The following NDST1 variants were observed in gnomAD, a reference collection of about 807,000 sequenced individuals.
NDST1 encodes bifunctional heparan sulfate N-deacetylase/N-sulfotransferase 1.
In NDST1, 35 loss-of-function variants were observed where a neutral mutation model predicts 92.8. That is an observed-to-expected ratio of 0.38 (90% CI 0.29 to 0.50). NDST1 has a LOEUF of 0.50. NDST1 is among the 20% of genes least tolerant of loss of function. The pLI, the probability that NDST1 is intolerant of heterozygous loss-of-function variation, is 0.94. For missense variants in NDST1, 822 were observed against 1,182.7 expected, an observed-to-expected ratio of 0.69 and a Z score of 4.47; for synonymous variants, 493 against 500.3, an observed-to-expected ratio of 0.99 and a Z score of 0.19.
intron 2 of NDST1, among the ~76,000 whole-genome samples, chr5:150,525,380 T>C (rs1461816761): frequency 1.3e-5 from 2 of 152,094 alleles, no homozygotes; most frequent in African/African-American, 4.8e-5. Context: ...GCACCCGCGG[T>C]CCAGTGTGGC....
In NDST1 at chr5:150,541,544, A is replaced by C. The variant is rs372565843; in HGVS notation, c.1750-26A>C. 3.7e-6 allele frequency: 6 copies of C among 1,611,406 alleles called. No individual in the cohort carries two copies. The African/African-American group carries it at 4.0e-5, about 11-fold the overall frequency. On this transcript the variant is annotated intron_variant, in intron 8 of 14. Transcript: ENST00000261797. ...CACTGACTGGGTTCTGGGGCGCCCC[A>C]CACATCCCTTCCACTGTTGTTTTAG...
Position 150,553,284 on chromosome 5 carries a change from C to T in NDST1, c.2601C>T (p.Gly867=). 6.2e-7 allele frequency: 1 copy of T among 1,613,854 alleles called. No homozygotes were observed. The highest frequency in any genetic ancestry group is 8.5e-7 in the Non-Finnish European group (1 of 1,179,816). ...TCTCCAAGCTGCTGTATAAGATGGG[C>T]CAGACACTTCCCACTTGGCTACGAG... is the stretch of plus-strand genomic sequence containing the variant. ...IELSKLLYKM[G]QTLPTWLRED... The change falls in exon 15 of 15, where the codon GGC becomes GGT. Residue 867 remains glycine, a synonymous_variant. Coordinates refer to ENST00000261797, the MANE Select transcript of NDST1 (RefSeq NM_001543.5). This position sits in a 1 kb window ranked among gnomAD's most constrained non-coding sequence, Gnocchi z 4.2.
Position 150,554,226 on chromosome 5 carries a change from A to G in NDST1, c.*894A>G. The G allele has an allele frequency of 2.5e-6, 1 of 397,538 alleles. No homozygotes were observed. Among genetic ancestry groups the G allele is most frequent in the Non-Finnish European group, 4.4e-6 (1 of 225,596 alleles). 24.6% of individuals were successfully genotyped at this position (397,538 alleles called of 1,614,324 possible). On this transcript the variant is annotated 3_prime_UTR_variant, in exon 15 of 15. Transcript: ENST00000261797. The stretch of plus-strand genomic sequence containing the variant: ...TAGCCACCTGTGGCCGAGGGCTCTC[A>G]GAGACCCCCTTAACCTCCCAAATAC...
At chr5:150,551,630 A>G (rs540094484) in intron 13 of NDST1, 123 bp from the exon 14 acceptor site, 12 of 1,231,070 alleles carry the variant, frequency 9.7e-6, no homozygotes, top group Non-Finnish European at 1.4e-5. Flanking sequence ...CTGACAGTCC[A>G]TGTGGGTTCA....
In NDST1 at chr5:150,548,306, G is replaced by T; in HGVS notation, c.2234G>T (p.Arg745Leu). ...TAGSDASSKL[R>L]ALQNRCLVPG... ...GGCTCTGACGCATCCTCGAAGCTGC[G>T]TGCCCTCCAGAACCGCTGCCTGGTC... is the stretch of plus-strand genomic sequence containing the variant. Residue 745 changes from arginine (R) to leucine (L), a missense_variant, in exon 12 of 15, where the codon CGT becomes CTT. Transcript: ENST00000261797. The T allele has an allele frequency of 6.2e-7, 1 of 1,614,058 alleles. No homozygotes were observed. The highest frequency in any genetic ancestry group is 2.2e-5 in the East Asian group (1 of 44,886).
At position 150,521,663 on chromosome 5, in the gene NDST1, A is replaced by G. The variant is rs1754242722; in HGVS notation, c.409A>G (p.Ile137Val). ...DKGRGRFALIIYENILKYVNL... is the reference protein window; with the variant it reads ...DKGRGRFALIVYENILKYVNL... ...GGGCCGTGGCCGCTTCGCCCTCATC[A>G]TCTATGAGAACATCCTCAAGTATGT... The change falls in exon 2 of 15, where the codon ATC (isoleucine) becomes GTC (valine). Residue 137 changes from isoleucine (I) to valine (V), a missense_variant. Coordinates refer to ENST00000261797, the MANE Select transcript of NDST1 (RefSeq NM_001543.5). This position sits in a 1 kb window ranked among gnomAD's most constrained non-coding sequence, Gnocchi z 5.9. 1 of 1,614,062 alleles carries G rather than the reference A, an allele frequency of 6.2e-7. No homozygotes were observed.
chr5:150,544,286 TA>T (rs1755383737), intron 10 of NDST1, among the ~76,000 whole-genome samples: 1 of 152,232 alleles, frequency 6.6e-6, no homozygotes, highest in South Asian at 2.1e-4. Context: ...ATATTTACAC[TA>T]AGTAAGAGGA....
chr5:150,532,803 A>C, intron 3 of NDST1, 142 bp from the exon 4 acceptor site: 2 of 818,796 alleles, frequency 2.4e-6, no homozygotes, highest in Non-Finnish European at 4.3e-6. Context: ...CTGGGATTAC[A>C]GGCATGAGCC....
Position 150,521,707 on chromosome 5 carries a change from C to T in NDST1, c.453C>T (p.Asn151=), listed in dbSNP as rs748642772. ...ILKYVNLDAW[N]RELLDKYCVA... is the part of the protein sequence containing the mutation. Reference sequence around the variant, plus strand: ...AGTATGTCAACCTGGACGCCTGGAACCGGGAGCTGCTGGACAAGTACTGTG... The same window carrying T: ...AGTATGTCAACCTGGACGCCTGGAATCGGGAGCTGCTGGACAAGTACTGTG... Residue 151 remains asparagine, a synonymous_variant, in exon 2 of 15, where the codon AAC becomes AAT. Transcript: ENST00000261797. The surrounding 1 kb of genome is among the most constrained non-coding windows in gnomAD (Gnocchi z 5.9). 1 of 1,614,060 alleles carries T rather than the reference C, an allele frequency of 6.2e-7. No individual in the cohort carries two copies.
At position 150,558,052 on chromosome 5, in the gene NDST1, C is replaced by T. The variant is rs1755910276; in HGVS notation, c.*4720C>T. The T allele has an allele frequency of 6.8e-6, 1 of 147,776 alleles. No individual in the cohort carries two copies. Among genetic ancestry groups the T allele is most frequent in the South Asian group, 2.2e-4 (1 of 4,588 alleles). The allele number at this position is 147,776 out of a possible 1,614,324, so 9.2% of individuals were successfully genotyped here. On this transcript the variant is annotated 3_prime_UTR_variant, in exon 15 of 15. Coordinates refer to ENST00000261797, the MANE Select transcript of NDST1 (RefSeq NM_001543.5). Reference sequence around the variant, plus strand: ...TGGGGAAGCAGGCAGAGGTTTCCTTCCCTTGTAGGGGGGTGGGGAGAGTGG... The same window carrying T: ...TGGGGAAGCAGGCAGAGGTTTCCTTTCCTTGTAGGGGGGTGGGGAGAGTGG...
chr5:150,550,480 C>T (rs3097830), intron 13 of NDST1: 39,627 of 153,278 alleles, frequency 0.26, 5,641 homozygotes, highest in African/African-American at 0.38. Context: ...GGTGCAAGTG[C>T]GTTGAGAATG....
At chr5:150,547,440 C>A (rs1000784194) in intron 11 of NDST1, among the ~76,000 whole-genome samples, 1 of 152,234 alleles carries the variant, frequency 6.6e-6, no homozygotes, top group Non-Finnish European at 1.5e-5. Context: ...GGTGCCTGAG[C>A]TCTGGCTTTC....
chr5:150,549,577 G>A, intron 12 of NDST1, 101 bp from the exon 13 acceptor site: 1 of 736,386 alleles, frequency 1.4e-6, no homozygotes. Context: ...GAGGGTGCAG[G>A]GTCCCATATT....
rs1251650218 is a variant in NDST1 at position 150,542,857 on chromosome 5, C to A, written c.1856C>A (p.Ala619Asp). The part of the protein sequence containing the change: ...IIGPQKTGTT[A>D]LYLFLGMHPD... ...TCTACCCTCCCCACAGGCACCACTG[C>A]CCTCTACCTGTTCCTGGGCATGCAC... is the stretch of plus-strand genomic sequence containing the variant. Residue 619 changes from alanine (A) to aspartate (D), a missense_variant, in exon 10 of 15, where the codon GCC becomes GAC. Coordinates refer to ENST00000261797, the MANE Select transcript of NDST1 (RefSeq NM_001543.5). 6.2e-7 allele frequency: 1 copy of A among 1,614,032 alleles called. No individual in the cohort carries two copies. Among genetic ancestry groups the A allele is most frequent in the African/African-American group, 1.3e-5 (1 of 74,926 alleles).
At chr5:150,542,400 C>G (rs1229237949) in intron 9 of NDST1, among the ~76,000 whole-genome samples, 2 of 152,272 alleles carry the variant, frequency 1.3e-5, no homozygotes, top group East Asian at 3.9e-4. Context: ...TTTCTTAGTT[C>G]TTTAAGAATT....
At chr5:150,499,149 A>G (rs1051962641) in intron 1 of NDST1, among the ~76,000 whole-genome samples, 6 of 152,262 alleles carry the variant, frequency 3.9e-5, no homozygotes, top group Non-Finnish European at 8.8e-5. Context: ...AACAGAGGTC[A>G]CAAACTGGCA....
chr5:150,527,687 T>A, intron 2 of NDST1, 117 bp from the exon 3 acceptor site: 1 of 1,477,890 alleles, frequency 6.8e-7, no homozygotes, highest in South Asian at 1.2e-5. Context: ...TGGTGAGCCC[T>A]CCATGAATGT....
At chr5:150,507,925 G>A (rs543576200), upstream of NDST1, among the ~76,000 whole-genome samples, 14 of 152,354 alleles carry the variant, frequency 9.2e-5, 1 homozygote, top group South Asian at 2.5e-3. Flanking sequence ...CCCTGGGCAC[G>A]GGGCAGAATC....
chr5:150,545,190 A>C, intron 10 of NDST1, 122 bp from the exon 11 acceptor site: 1 of 1,174,588 alleles, frequency 8.5e-7, no homozygotes, highest in East Asian at 2.4e-5. Context: ...TTTGGTTGGG[A>C]GCAAAGCTTC....
Sources: allele counts gnomAD v4.1 joint callset (sites outside exome capture counted in the v4.1 genomes callset), GRCh38; gene constraint gnomAD v4.1.1; non-coding constraint Gnocchi (gnomAD v3.1); transcripts MANE v1.5; gene names NCBI Gene and HGNC (gene_info 2026-07-23, HGNC 2026-07-21).